Variants in LCORL observed in about 807,000 individuals in gnomAD.
The protein encoded by LCORL is ligand-dependent nuclear receptor corepressor-like protein.
A neutral mutation model predicts 141.8 loss-of-function variants in LCORL; 41 were observed. The observed-to-expected ratio is 0.29, with a 90% CI of 0.23 to 0.38. LCORL has a LOEUF of 0.38. LCORL is among the 10% of genes least tolerant of loss of function. LCORL has a pLI of 1.00. For synonymous variants in LCORL, 618 were observed against 694.1 expected (o/e 0.89, Z 1.72); for missense variants, 1,759 against 2,035.0 (o/e 0.86, Z 2.61).
At chr4:17,868,657 C>T (rs1725960477) in intron 7 of LCORL, among the ~76,000 whole-genome samples, 10 of 152,156 alleles carry the variant, frequency 6.6e-5, no homozygotes, top group Admixed American at 6.5e-4. Flanking sequence ...CATTTCCCAT[C>T]CTCCACCCCC....
intron 5 of LCORL, among the ~76,000 whole-genome samples, chr4:17,902,088 T>C (rs1405603225): frequency 6.6e-6 from 1 of 151,872 alleles, no homozygotes; most frequent in East Asian, 1.9e-4. Flanking sequence ...TGTTCTGAGG[T>C]TCTGAGAGTG....
At chr4:17,902,246 G>C (rs1730999459) in intron 5 of LCORL, among the ~76,000 whole-genome samples, 1 of 152,114 alleles carries the variant, frequency 6.6e-6, no homozygotes, top group Non-Finnish European at 1.5e-5. Context: ...GCCATTAAAG[G>C]ATTTTCAGCA....
At chr4:18,002,479 T>G (rs571466592) in intron 1 of LCORL, among the ~76,000 whole-genome samples, 45 of 151,846 alleles carry the variant, frequency 3.0e-4, no homozygotes, top group African/African-American at 1.0e-3. Flanking sequence ...CAAACAAAAA[T>G]AGTTAATATT....
intron 7 of LCORL, among the ~76,000 whole-genome samples, chr4:17,865,071 C>T (rs1426109297): frequency 6.6e-6 from 1 of 152,036 alleles, no homozygotes; most frequent in Non-Finnish European, 1.5e-5. Flanking sequence ...TTTTGATATC[C>T]CCCTTTCAAA....
chr4:17,890,384 G>T (rs1181111086), intron 5 of LCORL, among the ~76,000 whole-genome samples: 2 of 151,954 alleles, frequency 1.3e-5, no homozygotes, highest in African/African-American at 4.8e-5. Flanking sequence ...ATAAATAGGT[G>T]GTATCATTGG....
At chr4:18,020,588 GACTGCA>G (rs1725345313) in intron 1 of LCORL, 1 of 149,628 alleles carries the variant, frequency 6.7e-6, no homozygotes, top group Non-Finnish European at 1.5e-5. Flanking sequence ...AAAAAAAAGC[GACTGCA>G]GCAAGGTCGG....
rs1176900849 is a variant in LCORL, at chr4:18,021,809, GGCGCGAGCCCTCGGCGCGAGCCCCGGA to G, written c.-85_-59del. The G allele has an allele frequency of 5.3e-6, 7 of 1,313,604 alleles. No homozygotes were observed. The Admixed American group carries it at 1.0e-4, about 19-fold the overall frequency. 81.4% of individuals were successfully genotyped at this position (1,313,604 alleles called of 1,614,324 possible). A position where few individuals can be genotyped will look rare whatever the true frequency, so the allele number is the denominator to read the frequency against. ...ACGAGCAGCGCAGGCACGAGGCAGG[GGCGCGAGCCCTCGGCGCGAGCCCCGGA>G]GCGCGCGCCCCCCGGAGGGGGGTTG... On this transcript the variant is annotated 5_prime_UTR_variant, in exon 1 of 8. Transcript: ENST00000635767. The surrounding 1 kb of genome is among the most constrained non-coding windows in gnomAD (Gnocchi z 5.5).
At chr4:17,875,025 A>C in exon 7 of LCORL, 2 of 1,233,662 alleles carry the variant, frequency 1.6e-6, no homozygotes, top group Non-Finnish European at 2.0e-6. Context: ...TACAGTAGCA[A>C]TCATACGTTT....
chr4:17,998,481 C>A (rs1021151242), intron 1 of LCORL, among the ~76,000 whole-genome samples: 2 of 151,744 alleles, frequency 1.3e-5, no homozygotes, highest in African/African-American at 4.8e-5. Context: ...AACTAAGACA[C>A]AAATACACAC....
rs898076886 is a variant in LCORL, at chr4:18,021,036, C to T, written c.154+562G>A. On this transcript the variant is annotated intron_variant, in intron 1 of 7. Coordinates refer to ENST00000635767, the Ensembl canonical transcript of LCORL. The surrounding 1 kb of genome is among the most constrained non-coding windows in gnomAD (Gnocchi z 5.5). ...CGACGCCCCCGCCGCCCCTCGCCCC[C>T]AGCCGGCCCATCAGCGGCCCCCGCC... Among the ~76,000 whole-genome samples, 1 of 152,120 alleles carries T rather than the reference C, an allele frequency of 6.6e-6. No homozygotes were observed. Among genetic ancestry groups the T allele is most frequent in the African/African-American group, 2.4e-5 (1 of 41,450 alleles).
At chr4:17,861,730 C>A (rs760994558) in intron 7 of LCORL, among the ~76,000 whole-genome samples, 2 of 152,214 alleles carry the variant, frequency 1.3e-5, no homozygotes, top group Non-Finnish European at 2.9e-5. Context: ...CCTTTAACAG[C>A]ACCCAAGTTT....
exon 5 of LCORL, chr4:17,909,331 A>G: frequency 2.5e-6 from 4 of 1,598,376 alleles, no homozygotes; most frequent in Non-Finnish European, 3.4e-6. Context: ...TTAGGATCAC[A>G]GTTCTGAGGA....
chr4:17,942,228 TAA>T (rs1316081210), intron 4 of LCORL, among the ~76,000 whole-genome samples: 2 of 151,990 alleles, frequency 1.3e-5, no homozygotes, highest in Non-Finnish European at 2.9e-5. Context: ...CAAATAAGGG[TAA>T]AAAGTCAATT....
intron 7 of LCORL, among the ~76,000 whole-genome samples, chr4:17,859,880 T>G (rs1335138023): frequency 6.6e-6 from 1 of 152,086 alleles, no homozygotes; most frequent in Admixed American, 6.5e-5. Context: ...AGAATAAAAT[T>G]TGTAGGAATT....
At chr4:17,971,738 T>C (rs1429686920) in intron 2 of LCORL, among the ~76,000 whole-genome samples, 1 of 151,766 alleles carries the variant, frequency 6.6e-6, no homozygotes, top group African/African-American at 2.4e-5. Context: ...ACTTTCAATC[T>C]GATAGTAAAC....
chr4:17,951,287 A>G (rs185253219), intron 4 of LCORL, among the ~76,000 whole-genome samples: 1 of 152,332 alleles, frequency 6.6e-6, no homozygotes, highest in East Asian at 1.9e-4. Context: ...TCATTGGTGA[A>G]GTTAACTATT....
intron 1 of LCORL, among the ~76,000 whole-genome samples, chr4:17,998,873 G>C (rs1485158796): frequency 6.8e-6 from 1 of 147,340 alleles, no homozygotes; most frequent in African/African-American, 2.5e-5. Context: ...GCTGAAGTGG[G>C]AGATCACCTG....
At chr4:18,019,132 G>C (rs891638536) in intron 1 of LCORL, among the ~76,000 whole-genome samples, 1 of 152,086 alleles carries the variant, frequency 6.6e-6, no homozygotes, top group African/African-American at 2.4e-5. Context: ...ATAACAATGG[G>C]ATTCGAGACC....
chr4:17,962,171 A>T, intron 3 of LCORL, 139 bp from the exon 4 acceptor site: 1 of 463,300 alleles, frequency 2.2e-6, no homozygotes, highest in Non-Finnish European at 3.7e-6. Context: ...GATAGAGGGA[A>T]CATAAAATTC....
Sources: gnomAD v4.1 joint callset for allele counts (sites outside exome capture counted in the v4.1 genomes callset) on GRCh38, gnomAD v4.1.1 for gene constraint, Gnocchi (gnomAD v3.1) non-coding constraint, MANE v1.5 for transcripts, NCBI Gene and HGNC (gene_info 2026-07-23, HGNC 2026-07-21) for gene names.